The following DNAJC12 variants were observed in gnomAD, a reference collection of about 807,000 sequenced individuals.
DNAJC12 encodes DnaJ heat shock protein family (Hsp40) member C12, also known as dnaJ homolog subfamily C member 12.
A neutral mutation model predicts 28.5 loss-of-function variants in DNAJC12; 25 were observed. The ratio of observed to expected loss-of-function variants is 0.88; its 90% CI spans 0.64 to 1.22. The LOEUF (loss-of-function observed/expected upper bound fraction) is 1.22. Ranked by LOEUF, DNAJC12 falls within the 50% of genes most tolerant of loss-of-function variation. The probability of loss-of-function intolerance (pLI) is 0.00; values close to 1 mark genes in which losing one functional copy is unlikely to be tolerated. For synonymous variants in DNAJC12, 77 were observed against 80.6 expected (o/e 0.95, Z 0.24); for missense variants, 222 against 231.7 (o/e 0.96, Z 0.27).
intron 4 of DNAJC12, among the ~76,000 whole-genome samples, chr10:67,800,056 C>T (rs551553366): frequency 6.6e-6 from 1 of 151,614 alleles, no homozygotes; most frequent in Admixed American, 6.6e-5. Context: ...CATGGCGAAA[C>T]CCCATCTCTA....
At chr10:67,834,617 C>T (rs1842125202) in intron 1 of DNAJC12, among the ~76,000 whole-genome samples, 1 of 152,192 alleles carries the variant, frequency 6.6e-6, no homozygotes, top group Admixed American at 6.5e-5. Flanking sequence ...CACTTGAGGT[C>T]AGGAGTTCAA....
At chr10:67,830,095 C>A (rs1485418084) in intron 1 of DNAJC12, among the ~76,000 whole-genome samples, 1 of 151,042 alleles carries the variant, frequency 6.6e-6, no homozygotes, top group Admixed American at 6.6e-5. Flanking sequence ...GGGCAGATCA[C>A]CTGAGGTCAG....
Position 67,797,214 on chromosome 10 carries a change from T to C in DNAJC12, c.503-4A>G. On this transcript the variant is annotated splice_polypyrimidine_tract_variant and splice_region_variant and intron_variant, in intron 4 of 4. Coordinates refer to ENST00000225171, the MANE Select transcript of DNAJC12 (RefSeq NM_021800.3). ...CAACCATTCACATCTGCAAAACCTT[T>C]AAAGGAAAGAAAGTAAATATTTAAA... 1 of 1,611,714 alleles carries C rather than the reference T, an allele frequency of 6.2e-7. No homozygotes were observed. Among genetic ancestry groups the C allele is most frequent in the East Asian group, 2.2e-5 (1 of 44,812 alleles).
At chr10:67,819,719 CAAGGAAGGAAGGAAGG>C (rs1221166816) in intron 2 of DNAJC12, among the ~76,000 whole-genome samples, 12 of 32,556 alleles carry the variant, frequency 3.7e-4, no homozygotes, top group African/African-American at 1.4e-3. Context: ...AGGAAGGAAG[CAAGGAAGGAAGGAAGG>C]AAGGAAGGAA....
intron 3 of DNAJC12, 117 bp from the exon 4 acceptor site, chr10:67,805,904 G>T (rs1589603411): frequency 2.9e-6 from 2 of 698,040 alleles, no homozygotes; most frequent in Non-Finnish European, 4.3e-6. Flanking sequence ...TTAACAGCAT[G>T]TTAGACTTGA....
At chr10:67,811,085 T>A (rs1458959810) in intron 3 of DNAJC12, 2 of 162,742 alleles carry the variant, frequency 1.2e-5, no homozygotes, top group African/African-American at 4.8e-5. Context: ...GAATAATTCA[T>A]GGCTTTCTCT....
chr10:67,815,948 A>T (rs1233043030), intron 2 of DNAJC12: 1 of 396,818 alleles, frequency 2.5e-6, no homozygotes, highest in Non-Finnish European at 4.4e-6. Flanking sequence ...TGTTCCATCC[A>T]CTTCACCACA....
intron 1 of DNAJC12, among the ~76,000 whole-genome samples, chr10:67,834,956 T>C (rs1285137646): frequency 6.6e-6 from 1 of 152,254 alleles, no homozygotes; most frequent in Non-Finnish European, 1.5e-5. Flanking sequence ...CCATAATTTA[T>C]ATATGTCATT....
chr10:67,800,262 C>T (rs1254476448), intron 4 of DNAJC12, among the ~76,000 whole-genome samples: 2 of 147,898 alleles, frequency 1.4e-5, no homozygotes, highest in Non-Finnish European at 3.0e-5. Context: ...AACAAAGTGG[C>T]TAATTTGGGA....
chr10:67,818,718 G>A lies in DNAJC12; in HGVS notation c.157+4596C>T, dbSNP rs538062501. Among the ~76,000 whole-genome samples, 79 of 151,740 alleles carry A rather than the reference G, an allele frequency of 5.2e-4. No homozygotes were observed. The East Asian group carries it at 7.8e-3, about 15-fold the overall frequency. On this transcript the variant is annotated intron_variant, in intron 2 of 4. Coordinates refer to ENST00000225171, the MANE Select transcript of DNAJC12 (RefSeq NM_021800.3). ...GCTACCCAGGCTGGAGTGCAGTGGCGCGATCTCGGCTCACTGCAACATCTG... is the reference window on the plus strand; with the variant it reads ...GCTACCCAGGCTGGAGTGCAGTGGCACGATCTCGGCTCACTGCAACATCTG...
chr10:67,828,096 T>TTGTA (rs1468105001), intron 1 of DNAJC12, among the ~76,000 whole-genome samples: 1 of 152,222 alleles, frequency 6.6e-6, no homozygotes, highest in Non-Finnish European at 1.5e-5. Context: ...CCCTGTTGTC[T>TTGTA]TGTAAACATA....
At chr10:67,834,459 T>C (rs1371595582) in intron 1 of DNAJC12, among the ~76,000 whole-genome samples, 2 of 152,158 alleles carry the variant, frequency 1.3e-5, no homozygotes, top group Non-Finnish European at 2.9e-5. Flanking sequence ...TCAAAGTACT[T>C]TATATATCAC....
intron 1 of DNAJC12, among the ~76,000 whole-genome samples, chr10:67,832,239 T>G (rs1276131203): frequency 2.2e-5 from 3 of 138,940 alleles, no homozygotes; most frequent in South Asian, 2.2e-4. Flanking sequence ...CACTCCAGCC[T>G]GGGCAACAAG....
chr10:67,801,959 TC>T (rs1323379936), intron 4 of DNAJC12, among the ~76,000 whole-genome samples: 2 of 140,308 alleles, frequency 1.4e-5, no homozygotes, highest in African/African-American at 5.3e-5. Flanking sequence ...ACTCCCAGGC[TC>T]AAGTAATCCT....
At chr10:67,836,677 TG>T (rs1842145190) in intron 1 of DNAJC12, among the ~76,000 whole-genome samples, 1 of 152,094 alleles carries the variant, frequency 6.6e-6, no homozygotes, top group Non-Finnish European at 1.5e-5. Flanking sequence ...TAAGCTATTC[TG>T]GGGGCGGGGC....
intron 4 of DNAJC12, among the ~76,000 whole-genome samples, chr10:67,804,751 G>T (rs1841781621): frequency 6.6e-6 from 1 of 152,166 alleles, no homozygotes; most frequent in Admixed American, 6.5e-5. Flanking sequence ...GCATTATTGG[G>T]CCGGGCATGG....
chr10:67,816,093 G>A, intron 2 of DNAJC12: 1 of 398,452 alleles, frequency 2.5e-6, no homozygotes, highest in Non-Finnish European at 4.4e-6. Flanking sequence ...AAATGATGCT[G>A]GAAGTCTTGC....
chr10:67,826,677 A>C (rs1254285698), intron 1 of DNAJC12, among the ~76,000 whole-genome samples: 1 of 128,996 alleles, frequency 7.8e-6, no homozygotes, highest in Non-Finnish European at 1.6e-5. Context: ...ATCATTATAT[A>C]TAAGATATCT....
At chr10:67,812,821 C>T (rs1314482453) in intron 2 of DNAJC12, among the ~76,000 whole-genome samples, 5 of 149,824 alleles carry the variant, frequency 3.3e-5, no homozygotes, top group Admixed American at 6.7e-5. Context: ...CACTGGACTC[C>T]AGCCTGGGCG....
Sources: allele counts gnomAD v4.1 joint callset (sites outside exome capture counted in the v4.1 genomes callset), GRCh38; gene constraint gnomAD v4.1.1; transcripts MANE v1.5; gene names NCBI Gene and HGNC (gene_info 2026-07-23, HGNC 2026-07-21).